The following TASOR2 variants were observed in gnomAD, a reference collection of about 807,000 sequenced individuals.
TASOR2 encodes transcription activation suppressor family member 2, also known as protein TASOR 2.
A neutral mutation model predicts 199.5 loss-of-function variants in TASOR2; 84 were observed. That is an observed-to-expected ratio of 0.42 (90% CI 0.35 to 0.50). The LOEUF is 0.50. TASOR2 is among the 20% of genes least tolerant of loss of function. TASOR2 has a pLI of 0.02. For missense variants in TASOR2, 2,796 were observed against 2,835.9 expected (o/e 0.99, Z 0.32); for synonymous variants, 1,103 against 1,046.6 (o/e 1.05, Z -1.04).
chr10:5,726,139 T>C (rs1834031879), intron 8 of TASOR2, among the ~76,000 whole-genome samples: 1 of 152,236 alleles, frequency 6.6e-6, no homozygotes, highest in African/African-American at 2.4e-5. Flanking sequence ...TTTTATCTTT[T>C]ATGTGTATAT....
In TASOR2 at chr10:5,748,731, GCCTTTGGCCTCCTTTGTTTCAGAAT is replaced by G. The variant is rs1296906761; in HGVS notation, c.5317_5341del (p.Ala1773IlefsTer7). On this transcript the variant is annotated frameshift_variant, in exon 15 of 21. Coordinates refer to ENST00000328090, the Ensembl canonical transcript of TASOR2. LOFTEE classifies it high-confidence loss of function. The surrounding 1 kb of genome is among the most constrained non-coding windows in gnomAD (Gnocchi z 5.1). ...ACACCAAGGAAAACCTCAGTAAAGA[GCCTTTGGCCTCCTTTGTTTCAGAAT>G]CCTTTGATACTTCTGTTTGTGGAAT... is the stretch of plus-strand genomic sequence containing the variant. 6.2e-7 allele frequency: 1 copy of G among 1,614,196 alleles called. No individual in the cohort carries two copies. Among genetic ancestry groups the G allele is most frequent in the East Asian group, 2.2e-5 (1 of 44,886 alleles).
exon 13 of TASOR2, chr10:5,739,912 A>T: frequency 6.2e-7 from 1 of 1,614,184 alleles, no homozygotes. Flanking sequence ...GGTACATCTG[A>T]CCATGAATAT....
rs1389594366 is a variant in TASOR2 at position 5,752,425 on chromosome 10, G to A, written c.6606+2398G>A. 6.6e-6 allele frequency among the ~76,000 whole-genome samples: 1 copy of A among 152,108 alleles called. No individual in the cohort carries two copies. The highest frequency in any genetic ancestry group is 2.4e-5 in the African/African-American group (1 of 41,412). ...TGCAAAACTGGACGTGCCGTGTGTCGGTTCCACACATGAGGGGCCTGCAGG... is the reference window on the plus strand; with the variant it reads ...TGCAAAACTGGACGTGCCGTGTGTCAGTTCCACACATGAGGGGCCTGCAGG... On this transcript the variant is annotated intron_variant, in intron 15 of 20. Coordinates refer to ENST00000328090, the Ensembl canonical transcript of TASOR2. This position sits in a 1 kb window ranked among gnomAD's most constrained non-coding sequence, Gnocchi z 4.4.
At chr10:5,705,245 G>A (rs1466094080) in intron 1 of TASOR2, among the ~76,000 whole-genome samples, 2 of 152,126 alleles carry the variant, frequency 1.3e-5, no homozygotes, top group South Asian at 2.1e-4. Flanking sequence ...AACTGTATAT[G>A]TATAGAATTT....
At chr10:5,686,112 A>T (rs1835785384) in intron 1 of TASOR2, among the ~76,000 whole-genome samples, 1 of 152,184 alleles carries the variant, frequency 6.6e-6, no homozygotes, top group African/African-American at 2.4e-5. Context: ...GGGTGACTGT[A>T]TGCGGTATGT....
chr10:5,709,636 A>T, intron 1 of TASOR2: 1 of 1,231,186 alleles, frequency 8.1e-7, no homozygotes, highest in Admixed American at 4.2e-5. Context: ...CTTAGAGAAG[A>T]TCGAGACAGG....
chr10:5,716,658 T>TA, intron 2 of TASOR2, among the ~76,000 whole-genome samples: 1 of 152,218 alleles, frequency 6.6e-6, no homozygotes, highest in Middle Eastern at 3.4e-3. Flanking sequence ...CTCATGCCTG[T>TA]AATCGTAGCT....
intron 11 of TASOR2, among the ~76,000 whole-genome samples, chr10:5,735,021 C>CT (rs895192151): frequency 5.3e-5 from 8 of 150,412 alleles, no homozygotes; most frequent in Admixed American, 2.7e-4. Context: ...GTTTGTTTTT[C>CT]TTTTTTTTTC....
chr10:5,692,261 G>A (rs1010136371), intron 1 of TASOR2, among the ~76,000 whole-genome samples: 1 of 151,924 alleles, frequency 6.6e-6, no homozygotes, highest in African/African-American at 2.4e-5. Context: ...AACTGTAGCC[G>A]GTGAGGCTGC....
At chr10:5,734,262 C>T (rs1290191079) in intron 11 of TASOR2, among the ~76,000 whole-genome samples, 1 of 152,152 alleles carries the variant, frequency 6.6e-6, no homozygotes, top group Admixed American at 6.5e-5. Context: ...TTAGCTCCAC[C>T]TTTAGCTATT....
In TASOR2 at chr10:5,720,990, TC is replaced by T; in HGVS notation, c.146+22del. 1 of 1,565,298 alleles carries T rather than the reference TC, an allele frequency of 6.4e-7. No homozygotes were observed. The highest frequency in any genetic ancestry group is 8.7e-7 in the Non-Finnish European group (1 of 1,149,430). On this transcript the variant is annotated intron_variant, in intron 6 of 20. Coordinates refer to ENST00000328090, the Ensembl canonical transcript of TASOR2. The surrounding 1 kb of genome is among the most constrained non-coding windows in gnomAD (Gnocchi z 5.3). ...ACAGCTGTAAGTATTAAATGTTATG[TC>T]CTTTACTAATGCTTATATTACAAGT...
In TASOR2 at chr10:5,746,134, T is replaced by A. The variant is rs374388918; in HGVS notation, c.2758-45T>A. On this transcript the variant is annotated intron_variant, in intron 14 of 20. Transcript: ENST00000328090. Reference sequence around the variant, plus strand: ...TGTACATATAATCGTATAAAAAACATTTTATATGACTGATTTTTTTTTTTT... The same window carrying A: ...TGTACATATAATCGTATAAAAAACAATTTATATGACTGATTTTTTTTTTTT... The A allele has an allele frequency of 2.0e-6, 3 of 1,490,002 alleles. No homozygotes were observed. The African/African-American group carries it at 4.4e-5, about 22-fold the overall frequency. 92.3% of individuals were successfully genotyped at this position (1,490,002 alleles called of 1,614,324 possible).
At chr10:5,692,925 C>T (rs1017135391) in intron 1 of TASOR2, 1 of 152,218 alleles carries the variant, frequency 6.6e-6, no homozygotes, top group African/African-American at 2.4e-5. Flanking sequence ...TGAGGTGAGT[C>T]GGGGAGGGGC....
At position 5,740,184 on chromosome 10, in the gene TASOR2, G is replaced by A; in HGVS notation, c.2014G>A (p.Glu672Lys). ...TTCAAAGAAACATCTACAGGAGAGA[G>A]AGATACTAAGCCCTCTGTTTCCCAG... Residue 672 changes from glutamate to lysine, a missense_variant, in exon 13 of 21, where the codon GAG becomes AAG. Coordinates refer to ENST00000328090, the Ensembl canonical transcript of TASOR2. The surrounding 1 kb of genome is among the most constrained non-coding windows in gnomAD (Gnocchi z 5.3). The A allele has an allele frequency of 2.5e-6, 4 of 1,614,208 alleles. No homozygotes were observed. The South Asian group carries it at 4.4e-5, about 18-fold the overall frequency.
exon 13 of TASOR2, chr10:5,739,815 A>G (rs765121119): frequency 3.7e-6 from 6 of 1,614,080 alleles, no homozygotes; most frequent in South Asian, 1.1e-5. Flanking sequence ...TACTTCTTCC[A>G]CACCAGTATC....
chr10:5,686,002 G>A (rs1835768812), intron 1 of TASOR2, among the ~76,000 whole-genome samples: 1 of 152,254 alleles, frequency 6.6e-6, no homozygotes, highest in East Asian at 1.9e-4. Flanking sequence ...TAAAACTAGG[G>A]GTGAGCCTGG....
rs949140959 is a variant in TASOR2, at chr10:5,717,702, A to G, written c.-148A>G. ...ACTCCGACTGTCTTCATTCAAGACCATGGTATCATGGGAAATCTGGTTATG... is the reference window on the plus strand; with the variant it reads ...ACTCCGACTGTCTTCATTCAAGACCGTGGTATCATGGGAAATCTGGTTATG... On this transcript the variant is annotated 5_prime_UTR_variant, in exon 3 of 21. An upstream start codon of the reference 5' UTR is lost. Coordinates refer to ENST00000328090, the Ensembl canonical transcript of TASOR2. 8.2e-7 allele frequency: 1 copy of G among 1,225,994 alleles called. No individual in the cohort carries two copies. Among genetic ancestry groups the G allele is most frequent in the Non-Finnish European group, 1.0e-6 (1 of 982,382 alleles). 75.9% of individuals were successfully genotyped at this position (1,225,994 alleles called of 1,614,324 possible). A position where few individuals can be genotyped will look rare whatever the true frequency, so the allele number is the denominator to read the frequency against.
intron 12 of TASOR2, among the ~76,000 whole-genome samples, chr10:5,736,783 A>G (rs966273848): frequency 6.6e-6 from 1 of 150,938 alleles, no homozygotes; most frequent in Admixed American, 6.6e-5. Flanking sequence ...TTTGGTATTG[A>G]TTTTTTTGTG....
At position 5,756,604 on chromosome 10, in the gene TASOR2, A is replaced by G; in HGVS notation, c.6607-9A>G. 6.2e-7 allele frequency: 1 copy of G among 1,611,210 alleles called. No homozygotes were observed. Among genetic ancestry groups the G allele is most frequent in the Non-Finnish European group, 8.5e-7 (1 of 1,179,208 alleles). Reference sequence around the variant, plus strand: ...TTTTTTTAATAATGGCTATTTGTAAATCTTTCAGAACCTTCTGAGGAAAGG... The same window carrying G: ...TTTTTTTAATAATGGCTATTTGTAAGTCTTTCAGAACCTTCTGAGGAAAGG... On this transcript the variant is annotated splice_polypyrimidine_tract_variant and intron_variant, in intron 15 of 20. Transcript: ENST00000328090.
Sources: allele counts gnomAD v4.1 joint callset (sites outside exome capture counted in the v4.1 genomes callset), GRCh38; gene constraint gnomAD v4.1.1; non-coding constraint Gnocchi (gnomAD v3.1); transcripts MANE v1.5; gene names NCBI Gene and HGNC (gene_info 2026-07-23, HGNC 2026-07-21).